Variants in ALK observed in about 807,000 individuals in gnomAD.
ALK encodes ALK tyrosine kinase receptor.
In ALK, 74 loss-of-function variants were observed where a neutral mutation model predicts 163.1. The observed-to-expected ratio is 0.45, with a 90% CI of 0.38 to 0.55. The LOEUF (loss-of-function observed/expected upper bound fraction) is 0.55. Ranked by LOEUF, ALK falls within the 20% of genes least tolerant of loss-of-function variation. The pLI is 0.00. For missense variants in ALK, 2,063 were observed against 2,105.3 expected, an observed-to-expected ratio of 0.98 and a Z score of 0.39; for synonymous variants, 960 against 843.2, an observed-to-expected ratio of 1.14 and a Z score of -2.40.
At chr2:29,371,904 T>C (rs2148293570) in intron 5 of ALK, among the ~76,000 whole-genome samples, 1 of 152,324 alleles carries the variant, frequency 6.6e-6, no homozygotes, top group Non-Finnish European at 1.5e-5. Flanking sequence ...TCCCCTCTGA[T>C]GTGTCCCAAA....
intron 13 of ALK, among the ~76,000 whole-genome samples, chr2:29,238,138 C>A (rs1190492659): frequency 6.6e-6 from 1 of 152,200 alleles, no homozygotes; most frequent in Non-Finnish European, 1.5e-5. Context: ...CTCCCCGCTG[C>A]CCCCATAGAT....
chr2:29,830,748 A>C (rs1405696624), intron 1 of ALK, among the ~76,000 whole-genome samples: 5 of 108,914 alleles, frequency 4.6e-5, no homozygotes, highest in East Asian at 3.4e-4. Flanking sequence ...AAAAAAAAAA[A>C]AAAAACTTAG....
intron 4 of ALK, among the ~76,000 whole-genome samples, chr2:29,402,238 G>A (rs2148315866): frequency 6.6e-6 from 1 of 152,358 alleles, no homozygotes; most frequent in African/African-American, 2.4e-5. Flanking sequence ...GGGGGCCAGG[G>A]GCTGGCTAAG....
chr2:29,223,583 T>TA, intron 19 of ALK, 55 bp from the exon 20 acceptor site: 1 of 1,578,414 alleles, frequency 6.3e-7, no homozygotes, highest in Non-Finnish European at 8.6e-7. Flanking sequence ...CTTGAAGCAC[T>TA]ACACAGGCCA....
At chr2:29,320,521 T>G (rs1408445931) in intron 7 of ALK, among the ~76,000 whole-genome samples, 1 of 152,232 alleles carries the variant, frequency 6.6e-6, no homozygotes, top group Non-Finnish European at 1.5e-5. Context: ...TGTTAATCCC[T>G]CCTCATGGTT....
chr2:29,534,837 C>A (rs746748426), intron 3 of ALK, among the ~76,000 whole-genome samples: 2 of 152,130 alleles, frequency 1.3e-5, no homozygotes, highest in African/African-American at 2.4e-5. Flanking sequence ...TAATGGAACC[C>A]TTTCAAAGCT....
chr2:29,790,201 AAACCACAGTTCAC>A (rs1384250744), intron 1 of ALK, among the ~76,000 whole-genome samples: 8 of 152,152 alleles, frequency 5.3e-5, no homozygotes, highest in African/African-American at 1.7e-4. Flanking sequence ...TAAGAAGAGT[AAACCACAGTTCAC>A]AACCCTGCAT....
intron 5 of ALK, among the ~76,000 whole-genome samples, chr2:29,355,985 C>T (rs992724646): frequency 2.6e-4 from 39 of 152,142 alleles, no homozygotes; most frequent in African/African-American, 9.2e-4. Context: ...TTATAATCAG[C>T]CATCATGGGA....
At chr2:29,526,452 A>AG (rs1672962903) in intron 4 of ALK, among the ~76,000 whole-genome samples, 1 of 152,226 alleles carries the variant, frequency 6.6e-6, no homozygotes. Flanking sequence ...GCTTTTAAAA[A>AG]TTACCTTTAG....
intron 3 of ALK, among the ~76,000 whole-genome samples, chr2:29,537,938 G>T (rs1673304648): frequency 6.6e-6 from 1 of 152,246 alleles, no homozygotes; most frequent in Non-Finnish European, 1.5e-5. Context: ...CCACACTTGT[G>T]TGATGCCTAT....
intron 24 of ALK, 149 bp downstream of exon 24, chr2:29,213,835 A>G: frequency 1.4e-6 from 1 of 719,518 alleles, no homozygotes; most frequent in South Asian, 1.5e-5. Context: ...AAAACAATAA[A>G]ACAAAGCTGA....
chr2:29,751,145 ACACCTGTAT>A (rs981461652), intron 1 of ALK, among the ~76,000 whole-genome samples: 3 of 152,058 alleles, frequency 2.0e-5, no homozygotes, highest in African/African-American at 7.2e-5. Flanking sequence ...AATAAATGGT[ACACCTGTAT>A]AGGGCATTTA....
chr2:29,525,723 G>A (rs1258625402), intron 4 of ALK, among the ~76,000 whole-genome samples: 2 of 146,792 alleles, frequency 1.4e-5, no homozygotes, highest in African/African-American at 5.0e-5. Flanking sequence ...CCAGGAGACG[G>A]AGGCTGGCAG....
Position 29,193,789 on chromosome 2 carries a change from T to C in ALK, c.4298A>G (p.Glu1433Gly), listed in dbSNP as rs1668950412. 1.9e-6 allele frequency: 3 copies of C among 1,594,956 alleles called. No homozygotes were observed. Among genetic ancestry groups the C allele is most frequent in the Non-Finnish European group, 2.6e-6 (3 of 1,170,298 alleles). The change falls in exon 29 of 29, where the codon GAG (glutamate) becomes GGG (glycine). Residue 1433 changes from glutamate to glycine, a missense_variant. This residue lies in a region of ALK where 403 missense variants were observed against 366.2 expected (regional missense o/e 1.10). Transcript: ENST00000389048. ...TGGGGCAGCTGGGCTGCGCTCCTCC[T>C]CCCGTTTTGCCTGTTGAGAGACCAG... ...PLLVSQQAKR[E>G]EERSPAAPPP... is the part of the protein sequence containing the mutation.
At chr2:29,242,356 C>G (rs934364065) in intron 12 of ALK, among the ~76,000 whole-genome samples, 3 of 152,212 alleles carry the variant, frequency 2.0e-5, no homozygotes, top group Non-Finnish European at 2.9e-5. Context: ...GTCATGCTGC[C>G]CATTCCTTTT....
chr2:29,470,865 T>A (rs764067878), intron 4 of ALK, among the ~76,000 whole-genome samples: 2 of 152,140 alleles, frequency 1.3e-5, no homozygotes. Flanking sequence ...ATAATAATAG[T>A]GTCTTCAGAT....
chr2:29,296,853 G>A (rs956787213), intron 9 of ALK, 35 bp downstream of exon 9: 8 of 1,613,638 alleles, frequency 5.0e-6, no homozygotes, highest in Non-Finnish European at 6.8e-6. Flanking sequence ...AGCTGATAGA[G>A]GAGAAGGGTA....
Position 29,872,169 on chromosome 2 carries a change from G to T in ALK, c.667+47824C>A, listed in dbSNP as rs148036539. 5.0e-3 allele frequency among the ~76,000 whole-genome samples: 765 copies of T among 152,340 alleles called. 9 individuals carry two copies. The highest frequency in any genetic ancestry group is 0.018 in the African/African-American group (731 of 41,578). On this transcript the variant is annotated intron_variant, in intron 1 of 28. Transcript: ENST00000389048. ...CAGAATATTTGAACAATGACAGGGA[G>T]TTGACTGAACTGGTATCTGAAACAT... is the stretch of plus-strand genomic sequence containing the variant.
chr2:29,622,827 T>G (rs1359420610), intron 3 of ALK, among the ~76,000 whole-genome samples: 1 of 152,172 alleles, frequency 6.6e-6, no homozygotes, highest in Non-Finnish European at 1.5e-5. Context: ...AACTCAAGTC[T>G]GCCCCTTCCA....
Sources: gnomAD v4.1 joint callset for allele counts (sites outside exome capture counted in the v4.1 genomes callset) on GRCh38, gnomAD v4.1.1 for gene constraint, gnomAD v4.1.1 regional missense constraint, MANE v1.5 for transcripts, NCBI Gene and HGNC (gene_info 2026-07-23, HGNC 2026-07-21) for gene names.